Variants in EXOC4 observed in about 807,000 individuals in gnomAD.
The protein encoded by EXOC4 is exocyst complex component 4.
A neutral mutation model predicts 107.2 loss-of-function variants in EXOC4; 71 were observed. The ratio of observed to expected loss-of-function variants is 0.66; its 90% confidence interval spans 0.55 to 0.81. The LOEUF (loss-of-function observed/expected upper bound fraction) is 0.81. EXOC4 is among the 30% of genes least tolerant of loss of function. The pLI is 0.00. For missense variants in EXOC4, 1,108 were observed against 1,189.6 expected, an observed-to-expected ratio of 0.93 and a Z score of 1.01; for synonymous variants, 456 against 441.2, an observed-to-expected ratio of 1.03 and a Z score of -0.42.
intron 17 of EXOC4, among the ~76,000 whole-genome samples, chr7:134,043,276 G>A (rs2116539022): frequency 6.6e-6 from 1 of 152,230 alleles, no homozygotes; most frequent in East Asian, 1.9e-4. Flanking sequence ...CTGTCACACA[G>A]CACATAAAGG....
intron 1 of EXOC4, among the ~76,000 whole-genome samples, chr7:133,269,952 T>C (rs144900031): frequency 1.3e-5 from 2 of 152,246 alleles, no homozygotes; most frequent in East Asian, 1.9e-4. Flanking sequence ...GGTACTGATA[T>C]GGTTTGGCTG....
chr7:133,814,233 T>C (rs561297719), intron 10 of EXOC4, among the ~76,000 whole-genome samples: 1 of 152,212 alleles, frequency 6.6e-6, no homozygotes, highest in South Asian at 2.1e-4. Flanking sequence ...GGGTATATAA[T>C]TGTTATATAG....
At chr7:133,723,230 A>G (rs2151108596) in intron 10 of EXOC4, among the ~76,000 whole-genome samples, 1 of 152,346 alleles carries the variant, frequency 6.6e-6, no homozygotes, top group Middle Eastern at 3.4e-3. Context: ...GAGGTCAGGC[A>G]GTTTATAGCA....
intron 11 of EXOC4, among the ~76,000 whole-genome samples, chr7:133,821,726 C>T (rs1304219023): frequency 6.6e-6 from 1 of 152,154 alleles, no homozygotes; most frequent in Non-Finnish European, 1.5e-5. Context: ...AGAACCATCA[C>T]TTTTACCCCA....
In EXOC4 at chr7:133,604,706, C is replaced by CTTTTTTTTTTTTTTTTTTTTTTTTT. The variant is rs1554477961; in HGVS notation, c.1418-25336_1418-25335insTTTTTTTTTTTTTTTTTTTTTTTTT. Among the ~76,000 whole-genome samples the CTTTTTTTTTTTTTTTTTTTTTTTTT allele has an allele frequency of 6.7e-4, 59 of 87,546 alleles. 11 individuals carry two copies. Among genetic ancestry groups the CTTTTTTTTTTTTTTTTTTTTTTTTT allele is most frequent in the Non-Finnish European group, 9.1e-4 (40 of 44,056 alleles). The allele number at this position is 87,546 out of a possible 152,430, so 57.4% of individuals were successfully genotyped here. ...TTTTTCTTTCCTTCCTTCCTTCCTT[C>CTTTTTTTTTTTTTTTTTTTTTTTTT]TTTCTTTTTTTTTTTTTTTTTTTTT... is the stretch of plus-strand genomic sequence containing the variant. On this transcript the variant is annotated intron_variant, in intron 9 of 17. Transcript: ENST00000253861.
At chr7:134,093,811 G>T in the EXOC4 span, among the ~76,000 whole-genome samples, 1 of 152,110 alleles carries the variant, frequency 6.6e-6, no homozygotes, top group African/African-American at 2.4e-5. Context: ...TAAACAACTT[G>T]CTCCTGAATG....
chr7:133,274,989 T>A lies in EXOC4; in HGVS notation c.94T>A (p.Ser32Thr). ...GLLISVIRTL[S>T]TSDDVEDREN... ...ACTCTCTGCCTTCACCAGGACTCTG[T>A]CTACTAGTGACGATGTCGAAGACAG... is the stretch of plus-strand genomic sequence containing the variant. The change falls in exon 2 of 18, where the codon TCT becomes ACT. Residue 32 changes from serine to threonine, a missense_variant. Physicochemically the swap from Ser to Thr is moderately conservative, Grantham distance 58. Coordinates refer to ENST00000253861, the MANE Select transcript of EXOC4 (RefSeq NM_021807.4). 1 of 1,607,344 alleles carries A rather than the reference T, an allele frequency of 6.2e-7. No homozygotes were observed.
chr7:133,752,015 T>TAAATAAATA lies in EXOC4; in HGVS notation c.1515-65309_1515-65308insAATAAATAA, dbSNP rs1446670388. Among the ~76,000 whole-genome samples, 867 of 105,616 alleles carry TAAATAAATA rather than the reference T, an allele frequency of 8.2e-3. 8 individuals carry two copies. The highest frequency in any genetic ancestry group is 0.015 in the Middle Eastern group (3 of 200). 69.3% of individuals were successfully genotyped at this position (105,616 alleles called of 152,430 possible). On this transcript the variant is annotated intron_variant, in intron 10 of 17. Coordinates refer to ENST00000253861, the MANE Select transcript of EXOC4 (RefSeq NM_021807.4). ...TAAATAAATAAATAAATAAATAAATTATCTGGGCACTGTGGTATGCCTATA... is the reference window on the plus strand; with the variant it reads ...TAAATAAATAAATAAATAAATAAATTAAATAAATAATCTGGGCACTGTGGTATGCCTATA...
intron 2 of EXOC4, among the ~76,000 whole-genome samples, chr7:133,276,152 C>G (rs1416066397): frequency 6.6e-6 from 1 of 152,084 alleles, no homozygotes; most frequent in Non-Finnish European, 1.5e-5. Flanking sequence ...TCCTACCCCT[C>G]CTTTCTCCCC....
intron 10 of EXOC4, among the ~76,000 whole-genome samples, chr7:133,791,630 T>G (rs549284395): frequency 6.6e-6 from 1 of 152,300 alleles, no homozygotes; most frequent in African/African-American, 2.4e-5. Context: ...GAGAGCAAAT[T>G]AGTAATATAA....
At chr7:133,350,723 T>C (rs1795889513) in intron 5 of EXOC4, among the ~76,000 whole-genome samples, 1 of 152,100 alleles carries the variant, frequency 6.6e-6, no homozygotes, top group African/African-American at 2.4e-5. Context: ...GCAAAAAATG[T>C]CATTGGGATT....
intron 9 of EXOC4, among the ~76,000 whole-genome samples, chr7:133,496,933 C>T (rs539849594): frequency 2.0e-5 from 3 of 152,260 alleles, no homozygotes; most frequent in Admixed American, 6.5e-5. Context: ...TTGGGCCTCA[C>T]ATGACATTTG....
intron 11 of EXOC4, among the ~76,000 whole-genome samples, chr7:133,841,181 A>T (rs1486575397): frequency 1.3e-5 from 2 of 152,152 alleles, no homozygotes; most frequent in African/African-American, 4.8e-5. Flanking sequence ...CTCTGAGGGC[A>T]CTAATCCCAT....
chr7:133,342,321 G>A (rs931703849), intron 5 of EXOC4, among the ~76,000 whole-genome samples: 1 of 152,074 alleles, frequency 6.6e-6, no homozygotes, highest in African/African-American at 2.4e-5. Context: ...ATACGAAATT[G>A]TTGGCTGATA....
At chr7:133,270,283 C>G (rs1223022939) in intron 1 of EXOC4, among the ~76,000 whole-genome samples, 2 of 152,104 alleles carry the variant, frequency 1.3e-5, no homozygotes, top group Non-Finnish European at 2.9e-5. Flanking sequence ...ATGTTTTTAT[C>G]GGCAGCATGA....
At position 133,942,082 on chromosome 7, in the gene EXOC4, G is replaced by A. The variant is rs142521110; in HGVS notation, c.2206+4013G>A. Among the ~76,000 whole-genome samples the A allele has an allele frequency of 5.9e-3, 891 of 152,110 alleles. 5 individuals are homozygous for A. Among genetic ancestry groups the A allele is most frequent in the Middle Eastern group, 0.024 (7 of 294 alleles). On this transcript the variant is annotated intron_variant, in intron 14 of 17. Transcript: ENST00000253861. ...ATTTTCTTTTGCATCTTATCCTCTTGTTTTAAAGATGGATTGTTTTTAAAA... is the reference window on the plus strand; with the variant it reads ...ATTTTCTTTTGCATCTTATCCTCTTATTTTAAAGATGGATTGTTTTTAAAA...
At chr7:133,916,106 G>T (rs1206812334) in intron 12 of EXOC4, among the ~76,000 whole-genome samples, 2 of 152,258 alleles carry the variant, frequency 1.3e-5, no homozygotes, top group African/African-American at 4.8e-5. Context: ...GGGATGGGAT[G>T]GTTTCAGGAT....
intron 7 of EXOC4, among the ~76,000 whole-genome samples, chr7:133,423,403 C>G (rs1797648407): frequency 2.0e-5 from 3 of 152,166 alleles, no homozygotes; most frequent in Admixed American, 2.0e-4. Flanking sequence ...TTTGTCCTCA[C>G]TTTAGGTAAG....
rs1160163431 is a variant in EXOC4 at position 133,273,360 on chromosome 7, A to G, written c.87-1622A>G. Reference sequence around the variant, plus strand: ...GGGTGGTATTCTCTACCTGCAAGAAACCTTGGAAGTAGTCTGGTTTAGGGT... The same window carrying G: ...GGGTGGTATTCTCTACCTGCAAGAAGCCTTGGAAGTAGTCTGGTTTAGGGT... On this transcript the variant is annotated intron_variant, in intron 1 of 17. Transcript: ENST00000253861. Among the ~76,000 whole-genome samples the G allele has an allele frequency of 3.3e-5, 5 of 152,312 alleles. No homozygotes were observed. In the East Asian group the frequency reaches 9.6e-4, roughly 29 times the overall value.
Sources: gnomAD v4.1 joint callset for allele counts (sites outside exome capture counted in the v4.1 genomes callset) on GRCh38, gnomAD v4.1.1 for gene constraint, MANE v1.5 for transcripts, NCBI Gene and HGNC (gene_info 2026-07-23, HGNC 2026-07-21) for gene names.